CNTNAP2: variants seen among roughly 807,000 people sequenced by gnomAD.
The protein encoded by CNTNAP2 is contactin-associated protein-like 2.
Under a neutral mutation model 155.2 loss-of-function variants are expected in CNTNAP2, and 98 were observed. The observed-to-expected ratio is 0.63, with a 90% CI of 0.54 to 0.75. The LOEUF (loss-of-function observed/expected upper bound fraction) is 0.75. CNTNAP2 is among the 30% of genes least tolerant of loss of function. The pLI is 0.00. For synonymous variants in CNTNAP2, 651 were observed against 631.2 expected, an observed-to-expected ratio of 1.03 and a Z score of -0.47; for missense variants, 1,727 against 1,688.1, an observed-to-expected ratio of 1.02 and a Z score of -0.40.
At chr7:147,586,526 G>GGAGGAAGGAAGGAAGGAAGGA (rs1800626061) in intron 12 of CNTNAP2, among the ~76,000 whole-genome samples, 1 of 28,842 alleles carries the variant, frequency 3.5e-5, no homozygotes, top group African/African-American at 2.0e-4. Flanking sequence ...GAGAGAAGAG[G>GGAGGAAGGAAGGAAGGAAGGA]AAGGAAGGAA....
intron 11 of CNTNAP2, among the ~76,000 whole-genome samples, chr7:147,529,929 T>G (rs2116722977): frequency 6.6e-6 from 1 of 152,358 alleles, no homozygotes; most frequent in Non-Finnish European, 1.5e-5. Flanking sequence ...TAATAAAAGT[T>G]TAACTATCTC....
intron 1 of CNTNAP2, among the ~76,000 whole-genome samples, chr7:146,767,209 G>A (rs1802211008): frequency 6.6e-6 from 1 of 152,052 alleles, no homozygotes; most frequent in Non-Finnish European, 1.5e-5. Context: ...TTTTAGCAAT[G>A]ACCTAGCACT....
At chr7:146,347,157 A>C (rs1256558115) in intron 1 of CNTNAP2, among the ~76,000 whole-genome samples, 3 of 151,628 alleles carry the variant, frequency 2.0e-5, no homozygotes, top group Non-Finnish European at 2.9e-5. Context: ...AAAAAAAAAA[A>C]AAAACCCTGC....
intron 18 of CNTNAP2, among the ~76,000 whole-genome samples, chr7:148,180,916 C>T (rs1795026987): frequency 6.6e-6 from 1 of 152,136 alleles, no homozygotes; most frequent in Non-Finnish European, 1.5e-5. Flanking sequence ...TGGGGAAGAG[C>T]TACCCTCAAT....
chr7:146,677,858 A>T (rs1482970398), intron 1 of CNTNAP2, among the ~76,000 whole-genome samples: 1 of 151,978 alleles, frequency 6.6e-6, no homozygotes, highest in African/African-American at 2.4e-5. Flanking sequence ...AATTGAAATA[A>T]TTGCCCCCAG....
chr7:146,548,162 A>G (rs958161936), intron 1 of CNTNAP2, among the ~76,000 whole-genome samples: 2 of 151,540 alleles, frequency 1.3e-5, no homozygotes, highest in South Asian at 2.1e-4. Context: ...ATTTCCCTCT[A>G]TGTGTCCACG....
chr7:146,785,419 G>T (rs1327395219), intron 2 of CNTNAP2, among the ~76,000 whole-genome samples: 1 of 152,134 alleles, frequency 6.6e-6, no homozygotes, highest in Non-Finnish European at 1.5e-5. Context: ...CTTTCATGCT[G>T]TACTTATGCA....
At chr7:146,724,970 G>A (rs933693437) in intron 1 of CNTNAP2, among the ~76,000 whole-genome samples, 9 of 152,122 alleles carry the variant, frequency 5.9e-5, no homozygotes, top group African/African-American at 2.2e-4. Flanking sequence ...TTCTCTCACA[G>A]TGTGGAGGTT....
At chr7:148,075,532 C>T (rs181274401) in intron 15 of CNTNAP2, among the ~76,000 whole-genome samples, 2 of 152,246 alleles carry the variant, frequency 1.3e-5, no homozygotes, top group Admixed American at 6.5e-5. Flanking sequence ...AGCTACTTTA[C>T]TCAAGTCTCT....
intron 1 of CNTNAP2, among the ~76,000 whole-genome samples, chr7:146,646,864 T>C (rs1289131655): frequency 6.6e-6 from 1 of 152,132 alleles, no homozygotes; most frequent in Non-Finnish European, 1.5e-5. Flanking sequence ...AGTGAAACAG[T>C]GCTGGTGAAT....
chr7:147,954,876 T>C (rs1321029983), intron 14 of CNTNAP2, among the ~76,000 whole-genome samples: 4 of 152,228 alleles, frequency 2.6e-5, no homozygotes, highest in African/African-American at 4.8e-5. Flanking sequence ...ATAAAAAGGC[T>C]GAAAGATTTC....
At chr7:148,086,632 C>G (rs1345362477) in intron 15 of CNTNAP2, among the ~76,000 whole-genome samples, 2 of 152,140 alleles carry the variant, frequency 1.3e-5, no homozygotes, top group Non-Finnish European at 2.9e-5. Flanking sequence ...TCTTCTTAGT[C>G]TTTTCCTGGG....
chr7:147,165,754 T>A (rs1338194352), intron 8 of CNTNAP2, among the ~76,000 whole-genome samples: 3 of 152,216 alleles, frequency 2.0e-5, no homozygotes, highest in Non-Finnish European at 4.4e-5. Flanking sequence ...GATGTTTTTG[T>A]TTGCTTTGTT....
At chr7:146,970,873 A>G (rs951532626) in intron 3 of CNTNAP2, among the ~76,000 whole-genome samples, 6 of 152,186 alleles carry the variant, frequency 3.9e-5, no homozygotes, top group Non-Finnish European at 8.8e-5. Flanking sequence ...ATGGAATACT[A>G]TGCAGCCATA....
rs117554004 is a variant in CNTNAP2, at chr7:146,601,440, T to G, written c.98-172831T>G. Among the ~76,000 whole-genome samples the G allele has an allele frequency of 1.4e-3, 220 of 152,244 alleles. 2 individuals are homozygous for G. Among genetic ancestry groups the G allele is most frequent in the Admixed American group, 4.6e-3 (70 of 15,280 alleles). ...AAGTCCTTAAAATTCTACTGCTTAC[T>G]GTAGTCTCAGTATGAAATAATGTAA... On this transcript the variant is annotated intron_variant, in intron 1 of 23. Coordinates refer to ENST00000361727, the MANE Select transcript of CNTNAP2 (RefSeq NM_014141.6).
intron 1 of CNTNAP2, among the ~76,000 whole-genome samples, chr7:146,430,154 C>T (rs1172503152): frequency 1.3e-5 from 2 of 149,828 alleles, no homozygotes; most frequent in African/African-American, 2.5e-5. Flanking sequence ...CATCGATGTT[C>T]ATCAAGGATA....
chr7:147,523,538 T>A (rs1247967492), intron 11 of CNTNAP2, among the ~76,000 whole-genome samples: 1 of 152,184 alleles, frequency 6.6e-6, no homozygotes, highest in East Asian at 1.9e-4. Context: ...CTTTCCTACC[T>A]TGTCTGGATA....
chr7:146,884,741 C>CA (rs1405899050), intron 3 of CNTNAP2, among the ~76,000 whole-genome samples: 1 of 151,836 alleles, frequency 6.6e-6, no homozygotes, highest in African/African-American at 2.4e-5. Context: ...TGCTGATGAG[C>CA]AGGAATTAGT....
chr7:146,699,953 G>A (rs1389758871), intron 1 of CNTNAP2, among the ~76,000 whole-genome samples: 1 of 152,106 alleles, frequency 6.6e-6, no homozygotes, highest in East Asian at 1.9e-4. Context: ...CAGTGACAGA[G>A]TGAGACTTTG....
Sources: allele counts gnomAD v4.1 joint callset (sites outside exome capture counted in the v4.1 genomes callset), GRCh38; gene constraint gnomAD v4.1.1; transcripts MANE v1.5; gene names NCBI Gene and HGNC (gene_info 2026-07-23, HGNC 2026-07-21).